Variants in RAB36 observed in about 807,000 individuals in gnomAD.
RAB36 encodes ras-related protein Rab-36.
A neutral mutation model predicts 39.3 loss-of-function variants in RAB36; 33 were observed. The ratio of observed to expected loss-of-function variants is 0.84; its 90% CI spans 0.64 to 1.12. RAB36 has a LOEUF of 1.12. Among genes scored for constraint, RAB36 ranks in the 50% most tolerant of loss-of-function variants. The pLI, the probability that RAB36 is intolerant of heterozygous loss-of-function variation, is 0.00. For missense variants in RAB36, 308 were observed against 355.3 expected (o/e 0.87, Z 1.07); for synonymous variants, 133 against 140.2 (o/e 0.95, Z 0.36).
chr22:23,158,052 G>C lies in RAB36; in HGVS notation c.446+9G>C. ...ACCCTGGAGCATACCAGGTAAGTCTGGGCTCTCTGGCCCCTGCAGTCTCCC... is the reference window on the plus strand; with the variant it reads ...ACCCTGGAGCATACCAGGTAAGTCTCGGCTCTCTGGCCCCTGCAGTCTCCC... On this transcript the variant is annotated intron_variant, in intron 7 of 10. Coordinates refer to ENST00000263116, the MANE Select transcript of RAB36 (RefSeq NM_004914.5). The C allele has an allele frequency of 6.2e-7, 1 of 1,614,072 alleles. No individual in the cohort carries two copies. Among genetic ancestry groups the C allele is most frequent in the Non-Finnish European group, 8.5e-7 (1 of 1,179,936 alleles).
rs758964597 is a variant in RAB36, at chr22:23,160,876, C to T, written c.620-3C>T. The stretch of plus-strand genomic sequence containing the variant: ...AGGTCCCGGCTGTCTTGTGGGCCCA[C>T]AGGCGAGAACGTGAAGGCATTCTTC... On this transcript the variant is annotated splice_polypyrimidine_tract_variant and splice_region_variant and intron_variant, in intron 9 of 10. Transcript: ENST00000263116. The T allele has an allele frequency of 1.7e-5, 27 of 1,612,528 alleles. No individual in the cohort carries two copies. Among genetic ancestry groups the T allele is most frequent in the Admixed American group, 6.7e-5 (4 of 59,838 alleles).
In RAB36 at chr22:23,152,497, C is replaced by T; in HGVS notation, c.198C>T (p.Leu66=). ...KLSKVVVVGD[L]YVGKTSLIHR... is the part of the protein sequence containing the mutation. ...CCAAGGTGGTGGTGGTTGGCGATCT[C>T]TACGTGGGGAAGACCAGCCTCATCC... The change falls in exon 4 of 11, where the codon CTC becomes CTT. Residue 66 remains leucine, a synonymous_variant. Transcript: ENST00000263116. 6.2e-7 allele frequency: 1 copy of T among 1,614,214 alleles called. No homozygotes were observed. Among genetic ancestry groups the T allele is most frequent in the Non-Finnish European group, 8.5e-7 (1 of 1,180,034 alleles).
At chr22:23,150,730 T>C (rs1393580114) in intron 3 of RAB36, among the ~76,000 whole-genome samples, 2 of 152,226 alleles carry the variant, frequency 1.3e-5, no homozygotes, top group African/African-American at 2.4e-5. Flanking sequence ...CTGTCTGGAA[T>C]GTCTTTCCTA....
chr22:23,154,599 C>G (rs770110910), intron 5 of RAB36, among the ~76,000 whole-genome samples: 14 of 152,158 alleles, frequency 9.2e-5, no homozygotes, highest in East Asian at 1.9e-4. Flanking sequence ...TGGGCTCACC[C>G]GTGTGACCAC....
At position 23,153,121 on chromosome 22, in the gene RAB36, T is replaced by C; in HGVS notation, c.316T>C (p.Tyr106His). 1.2e-6 allele frequency: 2 copies of C among 1,613,762 alleles called. No homozygotes were observed. Among genetic ancestry groups the C allele is most frequent in the Non-Finnish European group, 1.7e-6 (2 of 1,179,698 alleles). ...GCGCTTTGAGATTGCTGGGATTCCC[T>C]ATAGCCTCCAGATGTAAGTTGCTGG... is the stretch of plus-strand genomic sequence containing the variant. Reference protein sequence around the residue: ...IERFEIAGIPYSLQIWDTAGQ... With the variant: ...IERFEIAGIPHSLQIWDTAGQ... Residue 106 changes from tyrosine to histidine, a missense_variant, in exon 5 of 11, where the codon TAT (tyrosine) becomes CAT (histidine). Physicochemically the swap from Tyr to His is moderately conservative, Grantham distance 83. Transcript: ENST00000263116.
chr22:23,150,260 G>A, intron 3 of RAB36, 106 bp downstream of exon 3: 1 of 891,312 alleles, frequency 1.1e-6, no homozygotes, highest in Non-Finnish European at 1.8e-6. Flanking sequence ...GGCTGGTGCA[G>A]CCCTGTACAG....
At chr22:23,159,028 C>T in intron 8 of RAB36, 49 bp downstream of exon 8, 1 of 1,595,342 alleles carries the variant, frequency 6.3e-7, no homozygotes, top group Non-Finnish European at 8.6e-7. Flanking sequence ...GAAAATGCCT[C>T]CCCTTACAGC....
chr22:23,149,581 AAGTTGGAGTGC>A (rs1355024719), intron 2 of RAB36, among the ~76,000 whole-genome samples: 6 of 152,226 alleles, frequency 3.9e-5, no homozygotes, highest in Non-Finnish European at 7.4e-5. Context: ...TCTGTCACCC[AAGTTGGAGTGC>A]AGTGGCATGA....
chr22:23,159,190 G>T lies in RAB36; in HGVS notation c.556G>T (p.Ala186Ser). ...AGGGGCCGCATGTGAGCAGGCCGAA[G>T]CAGACGCTGTGCACCTGGCCAGGGA... ...LSGAACEQAE[A>S]DAVHLAREMQ... Residue 186 changes from alanine (A) to serine (S), a missense_variant, in exon 9 of 11, where the codon GCA becomes TCA. Ala to Ser is a moderately conservative substitution (Grantham distance 99). Coordinates refer to ENST00000263116, the MANE Select transcript of RAB36 (RefSeq NM_004914.5). 1 of 1,611,142 alleles carries T rather than the reference G, an allele frequency of 6.2e-7. No individual in the cohort carries two copies. Among genetic ancestry groups the T allele is most frequent in the Non-Finnish European group, 8.5e-7 (1 of 1,179,056 alleles).
intron 9 of RAB36, among the ~76,000 whole-genome samples, chr22:23,159,721 G>A (rs1328256676): frequency 3.3e-5 from 5 of 152,162 alleles, no homozygotes; most frequent in African/African-American, 7.2e-5. Context: ...ACATCACCTG[G>A]CATAGAGAAG....
chr22:23,145,717 T>G (rs575117690), intron 1 of RAB36, among the ~76,000 whole-genome samples, 166 bp downstream of exon 1: 1 of 152,214 alleles, frequency 6.6e-6, no homozygotes, highest in East Asian at 1.9e-4. Flanking sequence ...GAGCGCAAAC[T>G]CTGGGCCAGG....
chr22:23,149,111 T>C (rs1776417260), intron 2 of RAB36, among the ~76,000 whole-genome samples: 1 of 150,386 alleles, frequency 6.6e-6, no homozygotes, highest in South Asian at 2.1e-4. Context: ...CCCGAATCCA[T>C]GGTTGAGACA....
chr22:23,155,756 G>A (rs1303252022), intron 5 of RAB36, among the ~76,000 whole-genome samples: 3 of 152,204 alleles, frequency 2.0e-5, no homozygotes, highest in Non-Finnish European at 4.4e-5. Flanking sequence ...CCATCCACTA[G>A]GAATGAGAGA....
At chr22:23,160,387 ACCAG>A (rs2071709382) in intron 9 of RAB36, among the ~76,000 whole-genome samples, 4 of 152,188 alleles carry the variant, frequency 2.6e-5, no homozygotes, top group Admixed American at 2.6e-4. Flanking sequence ...AGGGCTGGAA[ACCAG>A]CCCGCTCTCT....
chr22:23,157,423 T>TG (rs1259441947), intron 6 of RAB36, among the ~76,000 whole-genome samples: 1 of 151,918 alleles, frequency 6.6e-6, no homozygotes, highest in Non-Finnish European at 1.5e-5. Flanking sequence ...GCTAATTTTT[T>TG]TGTGTGTGTG....
At chr22:23,160,061 GCCCCCAAGGCTCTGGGGACT>G (rs1021396107) in intron 9 of RAB36, among the ~76,000 whole-genome samples, 17 of 152,188 alleles carry the variant, frequency 1.1e-4, no homozygotes, top group African/African-American at 3.6e-4. Context: ...CACATAATAG[GCCCCCAAGGCTCTGGGGACT>G]CAGGAATTGG....
chr22:23,145,562 T>C lies in RAB36; in HGVS notation c.-13+11T>C, dbSNP rs1386211183. 1.9e-6 allele frequency: 3 copies of C among 1,596,444 alleles called. No individual in the cohort carries two copies. In the South Asian group the frequency reaches 3.3e-5, roughly 18 times the overall value. On this transcript the variant is annotated intron_variant, in intron 1 of 10. Coordinates refer to ENST00000263116, the MANE Select transcript of RAB36 (RefSeq NM_004914.5). ...TCACAGCCATCGCTGGTGAGTCAGCTCGCCCACTCTGTCCGACCCTCCCGG... is the reference window on the plus strand; with the variant it reads ...TCACAGCCATCGCTGGTGAGTCAGCCCGCCCACTCTGTCCGACCCTCCCGG...
chr22:23,156,160 C>A, intron 6 of RAB36, 128 bp downstream of exon 6: 1 of 522,432 alleles, frequency 1.9e-6, no homozygotes, highest in Non-Finnish European at 3.1e-6. Flanking sequence ...ACTGAGAAAA[C>A]ACCAGGCCAC....
At chr22:23,145,389 G>T, upstream of RAB36, 1 of 1,608,664 alleles carries the variant, frequency 6.2e-7, no homozygotes, top group Non-Finnish European at 8.5e-7. Flanking sequence ...GTGCAAGCTG[G>T]ATGCTTGGAC....
Sources: gnomAD v4.1 joint callset for allele counts (sites outside exome capture counted in the v4.1 genomes callset) on GRCh38, gnomAD v4.1.1 for gene constraint, MANE v1.5 for transcripts, NCBI Gene and HGNC (gene_info 2026-07-23, HGNC 2026-07-21) for gene names.